DHX35: variants seen among roughly 807,000 people sequenced by gnomAD.
DHX35 encodes the protein probable ATP-dependent RNA helicase DHX35.
DHX35 carries 84 observed loss-of-function variants against 99.6 expected under a neutral mutation model. That is an observed-to-expected ratio of 0.84 (90% CI 0.71 to 1.01). DHX35 has a LOEUF of 1.01. Among genes scored for constraint, DHX35 ranks in the 50% least tolerant of loss-of-function variants. The probability of loss-of-function intolerance (pLI) is 0.00; values close to 1 mark genes in which losing one functional copy is unlikely to be tolerated. For synonymous variants in DHX35, 331 were observed against 316.2 expected (o/e 1.05, Z -0.50); for missense variants, 852 against 888.5 (o/e 0.96, Z 0.52).
At chr20:38,985,836 G>A (rs933457984) in intron 4 of DHX35, among the ~76,000 whole-genome samples, 3 of 152,176 alleles carry the variant, frequency 2.0e-5, no homozygotes, top group African/African-American at 7.2e-5. Context: ...TATTAATAGA[G>A]CTGTCAAGTT....
At chr20:38,993,728 T>C (rs1027857168) in intron 7 of DHX35, among the ~76,000 whole-genome samples, 1 of 151,760 alleles carries the variant, frequency 6.6e-6, no homozygotes, top group Non-Finnish European at 1.5e-5. Flanking sequence ...AAGGGCTCTA[T>C]AGCCACAGGT....
chr20:39,032,067 T>C (rs2087063368), intron 20 of DHX35, among the ~76,000 whole-genome samples: 1 of 152,256 alleles, frequency 6.6e-6, no homozygotes, highest in African/African-American at 2.4e-5. Flanking sequence ...GGGCTTATAT[T>C]TTTCTTGTTT....
chr20:38,975,253 C>G (rs1046644353), intron 3 of DHX35, among the ~76,000 whole-genome samples: 5 of 152,140 alleles, frequency 3.3e-5, no homozygotes, highest in African/African-American at 1.2e-4. Context: ...ATGCATGCAG[C>G]AGAGGAAATG....
intron 1 of DHX35, among the ~76,000 whole-genome samples, chr20:38,966,308 T>C (rs1454754053): frequency 6.6e-6 from 1 of 152,258 alleles, no homozygotes; most frequent in Non-Finnish European, 1.5e-5. Context: ...CCTGATGTTC[T>C]GGTTTGGTTG....
chr20:39,037,122 CA>C (rs60809597), intron 21 of DHX35, among the ~76,000 whole-genome samples: 21,936 of 152,014 alleles, frequency 0.14, 1,704 homozygotes, highest in East Asian at 0.29. Context: ...AAAAAAGCAC[CA>C]AAAATGGCCC....
chr20:38,973,715 C>T (rs1054888601), intron 3 of DHX35, among the ~76,000 whole-genome samples: 1 of 152,198 alleles, frequency 6.6e-6, no homozygotes, highest in African/African-American at 2.4e-5. Flanking sequence ...CAGCCCGCTG[C>T]CTGTTTTGTA....
chr20:39,001,427 A>G (rs1039982019), intron 8 of DHX35, among the ~76,000 whole-genome samples: 1 of 152,246 alleles, frequency 6.6e-6, no homozygotes, highest in South Asian at 2.1e-4. Flanking sequence ...TAGGAATAAT[A>G]TAAATAATAC....
chr20:39,023,872 G>C (rs2145934211), intron 17 of DHX35, 105 bp downstream of exon 17: 1 of 937,706 alleles, frequency 1.1e-6, no homozygotes, highest in Non-Finnish European at 1.6e-6. Context: ...ATGTCCAAGA[G>C]AGCCCTTGAT....
At chr20:38,983,281 GTTTTA>G (rs1045256478) in intron 3 of DHX35, among the ~76,000 whole-genome samples, 24 of 152,292 alleles carry the variant, frequency 1.6e-4, no homozygotes, top group African/African-American at 3.9e-4. Context: ...AAATCCAGTT[GTTTTA>G]TTTAATATGG....
At chr20:38,999,540 C>A (rs1407677397) in intron 8 of DHX35, among the ~76,000 whole-genome samples, 3 of 152,208 alleles carry the variant, frequency 2.0e-5, no homozygotes, top group Non-Finnish European at 4.4e-5. Flanking sequence ...TGATCATAGT[C>A]ATTTAGGCCA....
Position 39,034,319 on chromosome 20 carries a change from T to C in DHX35, c.2067+2T>C. ...CCACACTTTTATCAACAAGGAACGG[T>C]AGGAATGAACTGAGTCTGTGCCCCA... On this transcript the variant is annotated splice_donor_variant, in intron 21 of 21. Coordinates refer to ENST00000252011, the MANE Select transcript of DHX35 (RefSeq NM_021931.4). LOFTEE classifies it high-confidence loss of function. The C allele has an allele frequency of 6.2e-7, 1 of 1,612,650 alleles. No individual in the cohort carries two copies. Among genetic ancestry groups the C allele is most frequent in the Non-Finnish European group, 8.5e-7 (1 of 1,178,698 alleles).
rs774441384 is a variant in DHX35, at chr20:38,988,866, C to T, written c.399C>T (p.Gly133=). The T allele has an allele frequency of 1.2e-6, 2 of 1,613,670 alleles. No homozygotes were observed. The change falls in exon 5 of 22, where the codon GGC becomes GGT. Residue 133 remains glycine, a synonymous_variant. Coordinates refer to ENST00000252011, the MANE Select transcript of DHX35 (RefSeq NM_021931.4). ...GTGCAGTGCTGGGCCACGAGGTGGG[C>T]TACTGCATCCGCTTTGATGACTGCA... ...ERGAVLGHEV[G]YCIRFDDCTD...
At chr20:39,022,368 A>G (rs1467020271) in intron 16 of DHX35, among the ~76,000 whole-genome samples, 1 of 152,136 alleles carries the variant, frequency 6.6e-6, no homozygotes, top group Non-Finnish European at 1.5e-5. Flanking sequence ...CATATTGGCC[A>G]GGCCGGTCTC....
intron 20 of DHX35, among the ~76,000 whole-genome samples, chr20:39,031,609 T>G (rs965250950): frequency 6.6e-6 from 1 of 152,154 alleles, no homozygotes; most frequent in African/African-American, 2.4e-5. Context: ...AGCTCTGGGA[T>G]TACAGGCATG....
rs760991377 is a variant in DHX35 at position 39,006,353 on chromosome 20, A to G, written c.1219A>G (p.Thr407Ala). Residue 407 changes from threonine (T) to alanine (A), a missense_variant, in exon 12 of 22, where the codon ACA becomes GCA. Thr to Ala is a moderately conservative substitution (Grantham distance 58, BLOSUM62 0). Transcript: ENST00000252011. ...CTCGGGAAAATGTTATCGCCTTTAT[A>G]CAGGTTAGTGTGGCTTTCCCTAAGG... ...SRSGKCYRLY[T>A]EEAFDKLPQS... The G allele has an allele frequency of 1.2e-6, 2 of 1,613,974 alleles. No homozygotes were observed. The highest frequency in any genetic ancestry group is 4.5e-5 in the East Asian group (2 of 44,870).
intron 4 of DHX35, among the ~76,000 whole-genome samples, chr20:38,985,028 A>G (rs369982809): frequency 6.6e-6 from 1 of 152,022 alleles, no homozygotes; most frequent in African/African-American, 2.4e-5. Flanking sequence ...ACTGTGTAGA[A>G]GTCTGAGCCA....
chr20:39,032,245 C>A (rs901119396), intron 20 of DHX35, among the ~76,000 whole-genome samples: 10 of 152,220 alleles, frequency 6.6e-5, no homozygotes, highest in Non-Finnish European at 1.2e-4. Flanking sequence ...GATCTTGGCT[C>A]ACTTCAATCT....
At chr20:39,027,989 T>G (rs1326600845) in intron 18 of DHX35, among the ~76,000 whole-genome samples, 1 of 152,244 alleles carries the variant, frequency 6.6e-6, no homozygotes, top group African/African-American at 2.4e-5. Flanking sequence ...CACTAGCTCA[T>G]AACCACAGAA....
At chr20:39,030,846 T>C in intron 20 of DHX35, 71 bp downstream of exon 20, 1 of 1,527,610 alleles carries the variant, frequency 6.5e-7, no homozygotes, top group South Asian at 1.1e-5. Context: ...CTCCTGTACA[T>C]GTTTCTTGAC....
Sources: allele counts gnomAD v4.1 joint callset (sites outside exome capture counted in the v4.1 genomes callset), GRCh38; gene constraint gnomAD v4.1.1; transcripts MANE v1.5; gene names NCBI Gene and HGNC (gene_info 2026-07-23, HGNC 2026-07-21).